The following TRMT11 variants were observed in gnomAD, a reference collection of about 807,000 sequenced individuals.
The protein encoded by TRMT11 is tRNA methyltransferase 11, also known as tRNA (guanine(10)-N(2))-methyltransferase TRMT11.
Under a neutral mutation model 62.8 loss-of-function variants are expected in TRMT11, and 53 were observed. The ratio of observed to expected loss-of-function variants is 0.84; its 90% CI spans 0.68 to 1.06. The LOEUF is 1.06. TRMT11 is among the 50% of genes least tolerant of loss of function. The pLI, the probability that TRMT11 is intolerant of heterozygous loss-of-function variation, is 0.00. For missense variants in TRMT11, 556 were observed against 553.4 expected, an observed-to-expected ratio of 1.00 and a Z score of -0.05; for synonymous variants, 188 against 190.3, an observed-to-expected ratio of 0.99 and a Z score of 0.10.
At chr6:126,237,265 ACTCT>A in the TRMT11 span, among the ~76,000 whole-genome samples, 1 of 151,798 alleles carries the variant, frequency 6.6e-6, no homozygotes, top group African/African-American at 2.4e-5. Flanking sequence ...AGGGAAAAAG[ACTCT>A]CTCTCTAGGA....
intron 17 of TRMT11, among the ~76,000 whole-genome samples, chr6:126,066,031 G>C (rs1296900126): frequency 6.6e-6 from 1 of 152,206 alleles, no homozygotes; most frequent in Non-Finnish European, 1.5e-5. Flanking sequence ...TGGGAGCAGA[G>C]GCTTCTTAGG....
the TRMT11 span, among the ~76,000 whole-genome samples, chr6:126,269,079 T>C: frequency 3.3e-5 from 5 of 150,704 alleles, no homozygotes; most frequent in South Asian, 6.3e-4. Flanking sequence ...GGCTAAAAAA[T>C]GGTGAAACCC....
chr6:126,267,735 AT>A, the TRMT11 span, among the ~76,000 whole-genome samples: 1 of 151,966 alleles, frequency 6.6e-6, no homozygotes, highest in Non-Finnish European at 1.5e-5. Context: ...ATTCTTCATA[AT>A]TGCCTGAGAT....
At chr6:126,069,218 G>A (rs1490579834) in intron 17 of TRMT11, among the ~76,000 whole-genome samples, 1 of 152,158 alleles carries the variant, frequency 6.6e-6, no homozygotes, top group Non-Finnish European at 1.5e-5. Context: ...ATAAATGTTG[G>A]GCCACATGCT....
intron 12 of TRMT11, among the ~76,000 whole-genome samples, chr6:126,036,740 TA>T (rs1775262684): frequency 1.3e-5 from 2 of 152,132 alleles, no homozygotes; most frequent in South Asian, 2.1e-4. Flanking sequence ...CTTACTGACA[TA>T]AGGACAGAAT....
At chr6:126,196,325 G>T (rs1183117647) in intron 1 of TRMT11, among the ~76,000 whole-genome samples, 1 of 151,932 alleles carries the variant, frequency 6.6e-6, no homozygotes, top group African/African-American at 2.4e-5. Flanking sequence ...CTTCTTTTAC[G>T]CTTTACACAG....
the TRMT11 span, among the ~76,000 whole-genome samples, chr6:126,241,726 C>T: frequency 2.0e-5 from 3 of 152,154 alleles, no homozygotes; most frequent in South Asian, 6.2e-4. Context: ...CAGAAAAGAC[C>T]TTTGACGAAA....
At chr6:126,194,146 TA>T (rs1162636804) in intron 1 of TRMT11, among the ~76,000 whole-genome samples, 3 of 152,340 alleles carry the variant, frequency 2.0e-5, no homozygotes, top group Non-Finnish European at 4.4e-5. Context: ...AAGTGGTCTG[TA>T]AATGTATGTT....
At chr6:126,121,029 A>G (rs755099621) in intron 21 of TRMT11, among the ~76,000 whole-genome samples, 4 of 152,078 alleles carry the variant, frequency 2.6e-5, no homozygotes, top group Non-Finnish European at 5.9e-5. Flanking sequence ...GGCCCACGTT[A>G]GGTAATAGCT....
chr6:126,159,785 G>A (rs1583893631), intron 21 of TRMT11, among the ~76,000 whole-genome samples: 1 of 152,160 alleles, frequency 6.6e-6, no homozygotes, highest in East Asian at 1.9e-4. Flanking sequence ...GGGTGGCATC[G>A]GTCAGTCCTG....
chr6:126,107,998 C>G (rs1056113072), intron 17 of TRMT11, among the ~76,000 whole-genome samples: 1 of 152,090 alleles, frequency 6.6e-6, no homozygotes, highest in African/African-American at 2.4e-5. Flanking sequence ...TATATGTCCT[C>G]GACACAGCTT....
intron 17 of TRMT11, among the ~76,000 whole-genome samples, chr6:126,085,739 T>G (rs1777210534): frequency 6.6e-6 from 1 of 152,168 alleles, no homozygotes; most frequent in Non-Finnish European, 1.5e-5. Context: ...GTAAACATAC[T>G]CTGTATGATA....
intron 12 of TRMT11, 70 bp from the exon 13 acceptor site, chr6:126,038,635 G>A: frequency 1.4e-6 from 2 of 1,399,592 alleles, no homozygotes; most frequent in Non-Finnish European, 1.9e-6. Flanking sequence ...TTTGCTTAAG[G>A]TAAACAACTG....
chr6:126,017,844 C>CA (rs1795209524), intron 11 of TRMT11, among the ~76,000 whole-genome samples: 1 of 152,210 alleles, frequency 6.6e-6, no homozygotes, highest in African/African-American at 2.4e-5. Flanking sequence ...TTATGTGTTG[C>CA]AATCATGTGT....
At chr6:126,063,705 T>C (rs1036668137) in intron 17 of TRMT11, among the ~76,000 whole-genome samples, 18 of 152,230 alleles carry the variant, frequency 1.2e-4, no homozygotes, top group Non-Finnish European at 4.4e-5. Context: ...TCATGGGCCA[T>C]GCTTTGAGAG....
chr6:126,117,837 A>G (rs920766133), intron 21 of TRMT11, among the ~76,000 whole-genome samples: 1 of 152,048 alleles, frequency 6.6e-6, no homozygotes, highest in Non-Finnish European at 1.5e-5. Context: ...AAGCTCTACC[A>G]CTTATTAACT....
the TRMT11 span, among the ~76,000 whole-genome samples, chr6:126,221,004 C>T: frequency 1.3e-5 from 2 of 152,288 alleles, no homozygotes; most frequent in South Asian, 2.1e-4. Context: ...TTGGTGAGAA[C>T]ATGTGGTATT....
At chr6:126,179,431 T>C (rs1340439393) in intron 1 of TRMT11, among the ~76,000 whole-genome samples, 1 of 152,180 alleles carries the variant, frequency 6.6e-6, no homozygotes, top group African/African-American at 2.4e-5. Flanking sequence ...ATCAGAGTAC[T>C]CTTACTGTAC....
At chr6:126,039,306 G>A (rs1377565549), downstream of TRMT11, 2 of 152,290 alleles carry the variant, frequency 1.3e-5, no homozygotes, top group African/African-American at 4.8e-5. Context: ...CTTCATGGGG[G>A]ATGTGATGAG....
Sources: gnomAD v4.1 joint callset for allele counts (sites outside exome capture counted in the v4.1 genomes callset) on GRCh38, gnomAD v4.1.1 for gene constraint, MANE v1.5 for transcripts, NCBI Gene and HGNC (gene_info 2026-07-23, HGNC 2026-07-21) for gene names.